SENP2: variants seen among roughly 807,000 people sequenced by gnomAD.
The protein encoded by SENP2 is sentrin-specific protease 2.
Under a neutral mutation model 86.3 loss-of-function variants are expected in SENP2, and 16 were observed. The observed-to-expected ratio is 0.19, with a 90% CI of 0.13 to 0.28. The LOEUF (loss-of-function observed/expected upper bound fraction) is 0.28, where lower values mean the gene tolerates loss of function less well. Among genes scored for constraint, SENP2 ranks in the 10% least tolerant of loss-of-function variants. The pLI, the probability that SENP2 is intolerant of heterozygous loss-of-function variation, is 1.00. For synonymous variants in SENP2, 222 were observed against 238.7 expected, an observed-to-expected ratio of 0.93 and a Z score of 0.64; for missense variants, 552 against 703.0, an observed-to-expected ratio of 0.79 and a Z score of 2.43.
In SENP2 at chr3:185,609,117, T is replaced by C. The variant is rs1684926860; in HGVS notation, c.619-130T>C. On this transcript the variant is annotated intron_variant, in intron 6 of 16. Coordinates refer to ENST00000296257, the MANE Select transcript of SENP2 (RefSeq NM_021627.3). ...GATTATTTTTAAAAAATGTATAAAGTTAGTAATTAATTCAAAGAAATATTA... is the reference window on the plus strand; with the variant it reads ...GATTATTTTTAAAAAATGTATAAAGCTAGTAATTAATTCAAAGAAATATTA... The C allele has an allele frequency of 6.6e-6, 4 of 602,626 alleles. No homozygotes were observed. In the Admixed American group the frequency reaches 9.4e-5, roughly 14 times the overall value. The allele number at this position is 602,626 out of a possible 1,614,324, so 37.3% of individuals were successfully genotyped here.
chr3:185,586,339 A>C lies in SENP2; in HGVS notation c.-75A>C. 1 of 1,595,050 alleles carries C rather than the reference A, an allele frequency of 6.3e-7. No individual in the cohort carries two copies. Among genetic ancestry groups the C allele is most frequent in the East Asian group, 2.2e-5 (1 of 44,520 alleles). On this transcript the variant is annotated 5_prime_UTR_variant, in exon 1 of 17. Coordinates refer to ENST00000296257, the MANE Select transcript of SENP2 (RefSeq NM_021627.3). The surrounding 1 kb of genome is among the most constrained non-coding windows in gnomAD (Gnocchi z 4.3). ...CTGGCGGTGGTGGTTAAGACGGCGA[A>C]GGCGGCAGCGGCGGCGACAGCTCTG...
In SENP2 at chr3:185,590,221, T is replaced by C. The variant is rs748790608; in HGVS notation, c.157+52T>C. 3 of 937,106 alleles carry C rather than the reference T, an allele frequency of 3.2e-6. No homozygotes were observed. The East Asian group carries it at 8.5e-5, about 26-fold the overall frequency. The allele number at this position is 937,106 out of a possible 1,614,324, so 58.0% of individuals were successfully genotyped here. On this transcript the variant is annotated intron_variant, in intron 2 of 16. Coordinates refer to ENST00000296257, the MANE Select transcript of SENP2 (RefSeq NM_021627.3). Reference sequence around the variant, plus strand: ...TTAGTTTTTAAATAGGAAAAATATATGCATGGAACAAAATTCAAAAGGTAA... The same window carrying C: ...TTAGTTTTTAAATAGGAAAAATATACGCATGGAACAAAATTCAAAAGGTAA...
intron 5 of SENP2, among the ~76,000 whole-genome samples, chr3:185,603,486 A>G (rs1053338706): frequency 6.6e-6 from 1 of 152,236 alleles, no homozygotes; most frequent in African/African-American, 2.4e-5. Flanking sequence ...AAGCTGAAAA[A>G]TTGTTTCAGA....
Position 185,633,374 on chromosome 3 carries a change from T to TCAAA in SENP2, c.*3536_*3539dup, listed in dbSNP as rs1334629227. 3 of 145,298 alleles carry TCAAA rather than the reference T, an allele frequency of 2.1e-5. No homozygotes were observed. In the East Asian group the frequency reaches 6.0e-4, roughly 29 times the overall value. 9.0% of individuals were successfully genotyped at this position (145,298 alleles called of 1,614,324 possible). A position where few individuals can be genotyped will look rare whatever the true frequency, so the allele number is the denominator to read the frequency against. On this transcript the variant is annotated 3_prime_UTR_variant, in exon 17 of 17. Coordinates refer to ENST00000296257, the MANE Select transcript of SENP2 (RefSeq NM_021627.3). ...AGAAAAACTCTGAAGCACCTGATAT[T>TCAAA]CAAACAAACTTATGGTACTTACTAA...
At chr3:185,592,145 C>T (rs1463464306) in intron 2 of SENP2, among the ~76,000 whole-genome samples, 2 of 149,468 alleles carry the variant, frequency 1.3e-5, no homozygotes, top group East Asian at 2.0e-4. Context: ...GTGGCACGAT[C>T]GTAGCTCACT....
chr3:185,626,179 A>G (rs1712137105), intron 15 of SENP2, 119 bp from the exon 16 acceptor site: 1 of 643,572 alleles, frequency 1.6e-6, no homozygotes, highest in Non-Finnish European at 2.7e-6. Context: ...TTTAGGTAAT[A>G]CCTGATTTAA....
At chr3:185,621,696 G>A in intron 13 of SENP2, 130 bp from the exon 14 acceptor site, 1 of 542,446 alleles carries the variant, frequency 1.8e-6, no homozygotes, top group South Asian at 2.2e-5. Flanking sequence ...CCCATAAATG[G>A]ATTTCTAAGA....
chr3:185,619,920 G>T (rs1339288513), intron 13 of SENP2, among the ~76,000 whole-genome samples: 1 of 151,946 alleles, frequency 6.6e-6, no homozygotes, highest in African/African-American at 2.4e-5. Flanking sequence ...TATTTGGAAA[G>T]ATGGAGTCTT....
chr3:185,588,482 G>A (rs2148978691), intron 1 of SENP2, among the ~76,000 whole-genome samples: 1 of 152,196 alleles, frequency 6.6e-6, no homozygotes, highest in Non-Finnish European at 1.5e-5. Context: ...TGAGCCACCG[G>A]GCCCGGCCGT....
chr3:185,587,732 A>ATTTTTTTTTTTTT (rs59565990), intron 1 of SENP2, among the ~76,000 whole-genome samples: 11 of 73,004 alleles, frequency 1.5e-4, no homozygotes, highest in Admixed American at 4.9e-4. Flanking sequence ...ATGCCCGGCT[A>ATTTTTTTTTTTTT]TTTTTTTTTT....
intron 11 of SENP2, 149 bp downstream of exon 11, chr3:185,614,889 G>C (rs4686688): frequency 0.11 from 74,555 of 702,034 alleles, 6,415 homozygotes; most frequent in South Asian, 0.31. Context: ...GATTCACTTT[G>C]ACTACATTGA....
intron 9 of SENP2, 84 bp downstream of exon 9, chr3:185,612,742 G>C: frequency 2.1e-6 from 2 of 968,720 alleles, no homozygotes; most frequent in Non-Finnish European, 3.2e-6. Context: ...AAGCAGTTCT[G>C]AGGAATTGTG....
In SENP2 at chr3:185,613,347, G is replaced by T. The variant is rs1251502753; in HGVS notation, c.872G>T (p.Cys291Phe). The change falls in exon 10 of 17, where the codon TGT (cysteine) becomes TTT (phenylalanine). Residue 291 changes from cysteine (C) to phenylalanine (F), a missense_variant and splice_region_variant. Cys to Phe is a radical substitution (Grantham distance 205, BLOSUM62 -2). This residue lies in a region of SENP2 where 383 missense variants were observed against 427.3 expected (regional missense o/e 0.90). Coordinates refer to ENST00000296257, the MANE Select transcript of SENP2 (RefSeq NM_021627.3). ...CATCTCTCAATTTTTTTCCTTAGGT[G>T]TTCAAAGGGGAAAATTACTGATACA... ...PLCSLRSEKR[C>F]SKGKITDTET... The T allele has an allele frequency of 6.4e-7, 1 of 1,571,998 alleles. No individual in the cohort carries two copies. The highest frequency in any genetic ancestry group is 8.7e-7 in the Non-Finnish European group (1 of 1,145,094).
chr3:185,600,541 TTC>T (rs767589483), intron 4 of SENP2, among the ~76,000 whole-genome samples: 9 of 152,218 alleles, frequency 5.9e-5, no homozygotes, highest in Non-Finnish European at 1.0e-4. Context: ...TGCCAGTGAA[TTC>T]TGTTATTACC....
At chr3:185,593,733 T>G (rs1175460342) in intron 2 of SENP2, among the ~76,000 whole-genome samples, 8 of 150,370 alleles carry the variant, frequency 5.3e-5, no homozygotes, top group Non-Finnish European at 8.9e-5. Flanking sequence ...CATTTCTTTT[T>G]TTTTTTTTTT....
rs573875580 is a variant in SENP2 at position 185,590,815 on chromosome 3, T to C, written c.157+646T>C. On this transcript the variant is annotated intron_variant, in intron 2 of 16. Coordinates refer to ENST00000296257, the MANE Select transcript of SENP2 (RefSeq NM_021627.3). ...GGCGGAGGTTGCAGTGAGCCAAGAA[T>C]CTGCTACTGCACTCTGCACTCCAGC... Among the ~76,000 whole-genome samples the C allele has an allele frequency of 1.5e-3, 125 of 83,344 alleles. 1 individual carries two copies. The highest frequency in any genetic ancestry group is 0.026 in the Middle Eastern group (2 of 76). 54.7% of individuals were successfully genotyped at this position (83,344 alleles called of 152,430 possible).
intron 2 of SENP2, among the ~76,000 whole-genome samples, chr3:185,591,157 G>A (rs1227436556): frequency 5.3e-5 from 8 of 149,984 alleles, no homozygotes; most frequent in Middle Eastern, 7.0e-3. Flanking sequence ...TGCCCGCCTC[G>A]GCCTCCCAAA....
Position 185,632,948 on chromosome 3 carries a change from T to TA in SENP2, c.*3105dup, listed in dbSNP as rs1169050140. On this transcript the variant is annotated 3_prime_UTR_variant, in exon 17 of 17. Coordinates refer to ENST00000296257, the MANE Select transcript of SENP2 (RefSeq NM_021627.3). ...TTAAAAATATACCATTGAGAACACG[T>TA]ATCTTTCTCAAACTTGACCTTGAAC... is the stretch of plus-strand genomic sequence containing the variant. 6.6e-6 allele frequency: 1 copy of TA among 152,214 alleles called. No homozygotes were observed. The highest frequency in any genetic ancestry group is 1.5e-5 in the Non-Finnish European group (1 of 68,044). The allele number at this position is 152,214 out of a possible 1,614,324, so 9.4% of individuals were successfully genotyped here.
At chr3:185,625,308 T>C (rs1473372282) in intron 15 of SENP2, among the ~76,000 whole-genome samples, 4 of 152,106 alleles carry the variant, frequency 2.6e-5, no homozygotes, top group African/African-American at 9.7e-5. Context: ...AGACGGAGTT[T>C]CACCATGTTA....
Sources: allele counts gnomAD v4.1 joint callset (sites outside exome capture counted in the v4.1 genomes callset), GRCh38; gene constraint gnomAD v4.1.1; regional missense constraint gnomAD v4.1.1; non-coding constraint Gnocchi (gnomAD v3.1); transcripts MANE v1.5; gene names NCBI Gene and HGNC (gene_info 2026-07-23, HGNC 2026-07-21).